Variants in CPN1 observed in about 807,000 individuals in gnomAD.
The protein encoded by CPN1 is carboxypeptidase N subunit 1.
In CPN1, 37 loss-of-function variants were observed where a neutral mutation model predicts 46.4. That is an observed-to-expected ratio of 0.80 (90% CI 0.61 to 1.05). The LOEUF (loss-of-function observed/expected upper bound fraction) is 1.05. Among genes scored for constraint, CPN1 ranks in the 50% least tolerant of loss-of-function variants. The pLI is 0.00. For missense variants in CPN1, 563 were observed against 602.6 expected, an observed-to-expected ratio of 0.93 and a Z score of 0.69; for synonymous variants, 224 against 235.4, an observed-to-expected ratio of 0.95 and a Z score of 0.44.
intron 1 of CPN1, among the ~76,000 whole-genome samples, chr10:100,080,632 C>T (rs1222379504): frequency 6.6e-6 from 1 of 152,194 alleles, no homozygotes; most frequent in Non-Finnish European, 1.5e-5. Flanking sequence ...CGGTGGCTCA[C>T]GCCTGTAATC....
At chr10:100,045,641 G>A (rs1280521627) in intron 8 of CPN1, among the ~76,000 whole-genome samples, 4 of 152,160 alleles carry the variant, frequency 2.6e-5, no homozygotes, top group South Asian at 2.1e-4. Flanking sequence ...ATATAGGTTC[G>A]AATCCTGACT....
chr10:100,043,066 C>T (rs1213359456), intron 8 of CPN1, among the ~76,000 whole-genome samples: 2 of 148,474 alleles, frequency 1.3e-5, no homozygotes, highest in Admixed American at 6.8e-5. Flanking sequence ...TGCACTCCAG[C>T]CTGGGTGACA....
intron 2 of CPN1, 21 bp from the exon 3 acceptor site, chr10:100,069,890 G>T (rs2041474924): frequency 6.2e-7 from 1 of 1,612,646 alleles, no homozygotes; most frequent in East Asian, 2.2e-5. Flanking sequence ...ATGAAAAGAT[G>T]AAAAATGAAG....
At chr10:100,046,694 A>G (rs1423333185) in intron 8 of CPN1, among the ~76,000 whole-genome samples, 2 of 151,040 alleles carry the variant, frequency 1.3e-5, no homozygotes, top group Non-Finnish European at 2.9e-5. Flanking sequence ...AATCACTTGA[A>G]CCCGGGAGGC....
In CPN1 at chr10:100,069,740, G is replaced by A. The variant is rs1293740964; in HGVS notation, c.550C>T (p.Pro184Ser). 6.2e-7 allele frequency: 1 copy of A among 1,613,834 alleles called. No individual in the cohort carries two copies. The highest frequency in any genetic ancestry group is 8.5e-7 in the Non-Finnish European group (1 of 1,179,994). Residue 184 changes from proline (P) to serine (S), a missense_variant, in exon 3 of 9, where the codon CCC becomes TCC. Transcript: ENST00000370418. ...TGACTTTTCCAGTTGTCTGGAAGGG[G>A]CAGGTGGTGGTTGGGGCCTCCGTAC... is the stretch of plus-strand genomic sequence containing the variant. ...EKYGGPNHHL[P>S]LPDNWKSQVE...
At chr10:100,052,927 C>A (rs1336444188) in intron 7 of CPN1, among the ~76,000 whole-genome samples, 1 of 152,008 alleles carries the variant, frequency 6.6e-6, no homozygotes, top group Non-Finnish European at 1.5e-5. Context: ...AGTTTGAGAC[C>A]AGCTTGGGCA....
intron 2 of CPN1, 27 bp from the exon 3 acceptor site, chr10:100,069,896 T>C: frequency 6.2e-7 from 1 of 1,613,254 alleles, no homozygotes. Context: ...AGATGAAAAA[T>C]GAAGGTTTCA....
intron 2 of CPN1, among the ~76,000 whole-genome samples, chr10:100,071,381 T>C (rs1410745473): frequency 6.6e-6 from 1 of 152,220 alleles, no homozygotes; most frequent in African/African-American, 2.4e-5. Flanking sequence ...TTCTTCCAGG[T>C]TCTGGTGGCC....
At position 100,081,865 on chromosome 10, in the gene CPN1, A is replaced by G; in HGVS notation, c.-240T>C. The G allele has an allele frequency of 1.9e-6, 1 of 514,044 alleles. No individual in the cohort carries two copies. The highest frequency in any genetic ancestry group is 3.6e-6 in the Non-Finnish European group (1 of 281,502). The allele number at this position is 514,044 out of a possible 1,614,324, so 31.8% of individuals were successfully genotyped here. ...TCTCTAATCCAGGAAAGCCTTTTGAAAGGTTTTTTGCACTTCCCCAGATGG... is the reference window on the plus strand; with the variant it reads ...TCTCTAATCCAGGAAAGCCTTTTGAGAGGTTTTTTGCACTTCCCCAGATGG... On this transcript the variant is annotated 5_prime_UTR_variant, in exon 1 of 9. Transcript: ENST00000370418.
At chr10:100,069,593 C>G in intron 3 of CPN1, 121 bp downstream of exon 3, 1 of 1,175,156 alleles carries the variant, frequency 8.5e-7, no homozygotes, top group East Asian at 2.3e-5. Context: ...TGGGTTAATA[C>G]TGAGTTGAGT....
At chr10:100,057,348 G>A (rs2041390269) in intron 5 of CPN1, among the ~76,000 whole-genome samples, 196 bp from the exon 6 acceptor site, 1 of 152,066 alleles carries the variant, frequency 6.6e-6, no homozygotes, top group Non-Finnish European at 1.5e-5. Flanking sequence ...TATTCATGGG[G>A]CACACATAGT....
intron 1 of CPN1, among the ~76,000 whole-genome samples, chr10:100,079,822 C>T (rs545187980): frequency 3.3e-5 from 5 of 152,308 alleles, no homozygotes; most frequent in East Asian, 3.9e-4. Context: ...CGGTGGCTCA[C>T]GCCTGTAATC....
chr10:100,078,190 A>G (rs565761287), intron 1 of CPN1, among the ~76,000 whole-genome samples: 2 of 152,224 alleles, frequency 1.3e-5, no homozygotes, highest in South Asian at 4.2e-4. Flanking sequence ...TGGGACCACA[A>G]GTGCACACTA....
chr10:100,078,176 G>A (rs1036710677), intron 1 of CPN1, among the ~76,000 whole-genome samples: 1 of 151,982 alleles, frequency 6.6e-6, no homozygotes, highest in Non-Finnish European at 1.5e-5. Flanking sequence ...GCCTCCTGAG[G>A]AGCTGGGACC....
chr10:100,067,905 G>A (rs974362304), intron 3 of CPN1, among the ~76,000 whole-genome samples: 1 of 152,084 alleles, frequency 6.6e-6, no homozygotes, highest in African/African-American at 2.4e-5. Flanking sequence ...TGTAATCCCA[G>A]CACTTTGGGA....
At chr10:100,055,742 T>C (rs921348908) in intron 6 of CPN1, among the ~76,000 whole-genome samples, 1 of 152,246 alleles carries the variant, frequency 6.6e-6, no homozygotes, top group Non-Finnish European at 1.5e-5. Flanking sequence ...CAGGCTGGTC[T>C]CAAACTCCCA....
At chr10:100,072,398 C>T (rs934578071) in intron 2 of CPN1, among the ~76,000 whole-genome samples, 3 of 152,142 alleles carry the variant, frequency 2.0e-5, no homozygotes, top group African/African-American at 4.8e-5. Context: ...TGGTCTCAAA[C>T]TTCTAGGCTC....
chr10:100,074,845 A>C (rs912434826), intron 2 of CPN1, among the ~76,000 whole-genome samples: 4 of 152,220 alleles, frequency 2.6e-5, no homozygotes, highest in South Asian at 2.1e-4. Context: ...TCTGTACTTC[A>C]AAATCTTCAT....
intron 8 of CPN1, among the ~76,000 whole-genome samples, chr10:100,046,008 A>T (rs1589469161): frequency 1.3e-5 from 2 of 152,306 alleles, no homozygotes; most frequent in Middle Eastern, 6.8e-3. Flanking sequence ...AGTGTCTACG[A>T]TCTCTGAGCT....
Sources: allele counts gnomAD v4.1 joint callset (sites outside exome capture counted in the v4.1 genomes callset), GRCh38; gene constraint gnomAD v4.1.1; transcripts MANE v1.5; gene names NCBI Gene and HGNC (gene_info 2026-07-23, HGNC 2026-07-21).